FSIP2: variants seen among roughly 807,000 people sequenced by gnomAD.
The protein encoded by FSIP2 is fibrous sheath interacting protein 2.
FSIP2 carries 367 observed loss-of-function variants against 510.5 expected under a neutral mutation model. The observed-to-expected ratio is 0.72, with a 90% CI of 0.66 to 0.78. The LOEUF (loss-of-function observed/expected upper bound fraction) is 0.78. Ranked by LOEUF, FSIP2 falls within the 30% of genes least tolerant of loss-of-function variation. FSIP2 has a pLI of 0.00. For synonymous variants in FSIP2, 2,601 were observed against 2,732.2 expected (o/e 0.95, Z 1.50); for missense variants, 7,594 against 7,901.7 (o/e 0.96, Z 1.48).
intron 21 of FSIP2, among the ~76,000 whole-genome samples, chr2:185,831,089 T>G (rs1694099585): frequency 6.6e-6 from 1 of 151,952 alleles, no homozygotes; most frequent in East Asian, 1.9e-4. Context: ...GCTTTTTACC[T>G]GATATAGACA....
intron 13 of FSIP2, among the ~76,000 whole-genome samples, chr2:185,779,385 G>T (rs1692795301): frequency 6.6e-6 from 1 of 150,454 alleles, no homozygotes. Context: ...AAATTTTTAT[G>T]GATACATAAA....
intron 21 of FSIP2, among the ~76,000 whole-genome samples, chr2:185,830,756 A>T (rs1036039483): frequency 6.6e-6 from 1 of 151,760 alleles, no homozygotes; most frequent in Non-Finnish European, 1.5e-5. Flanking sequence ...ACCCACAGAG[A>T]GAGAAGGCCA....
rs1174568722 is a variant in FSIP2 at position 185,803,680 on chromosome 2, A to G, written c.14374A>G (p.Ser4792Gly). 1 of 1,531,908 alleles carries G rather than the reference A, an allele frequency of 6.5e-7. No individual in the cohort carries two copies. 94.9% of individuals were successfully genotyped at this position (1,531,908 alleles called of 1,614,324 possible). A position where few individuals can be genotyped will look rare whatever the true frequency, so the allele number is the denominator to read the frequency against. Residue 4792 changes from serine to glycine, a missense_variant, in exon 17 of 23, where the codon AGT becomes GGT. Physicochemically the swap from Ser to Gly is moderately conservative, Grantham distance 56. Transcript: ENST00000424728. ...STMYTTMLSH[S>G]HLEKIVTQLT... ...AATGTATACCACTATGTTATCACAT[A>G]GTCATTTGGAAAAAATAGTTACTCA...
intron 7 of FSIP2, among the ~76,000 whole-genome samples, chr2:185,751,067 G>A (rs1477110763): frequency 6.6e-6 from 1 of 151,378 alleles, no homozygotes; most frequent in Non-Finnish European, 1.5e-5. Flanking sequence ...CTGTTGTTGG[G>A]TGAAGTATTT....
At position 185,772,245 on chromosome 2, in the gene FSIP2, TTCTTA is replaced by T. The variant is rs1692619501; in HGVS notation, c.1411+7684_1411+7688del. Among the ~76,000 whole-genome samples, 4 of 152,306 alleles carry T rather than the reference TTCTTA, an allele frequency of 2.6e-5. No homozygotes were observed. The South Asian group carries it at 8.3e-4, about 32-fold the overall frequency. On this transcript the variant is annotated intron_variant, in intron 13 of 22. Transcript: ENST00000424728. ...CTTCAGAGCCAGAGCCCTCAAACTTTTCTTATCTCTCTCCATTACCCATTTCCAAA... is the reference window on the plus strand; with the variant it reads ...CTTCAGAGCCAGAGCCCTCAAACTTTTCTCTCTCCATTACCCATTTCCAAA...
chr2:185,807,901 A>G lies in FSIP2; in HGVS notation c.18595A>G (p.Lys6199Glu). The change falls in exon 17 of 23, where the codon AAA (lysine) becomes GAA (glutamate). Residue 6199 changes from lysine to glutamate, a missense_variant. Coordinates refer to ENST00000424728, the MANE Select transcript of FSIP2 (RefSeq NM_173651.4). ...KLLSIFPKVH[K>E]ERTKSLETDM... ...TTTATCTATATTTCCAAAAGTACAT[A>G]AAGAAAGAACAAAATCTCTAGAGAC... 4 of 1,602,794 alleles carry G rather than the reference A, an allele frequency of 2.5e-6. No homozygotes were observed. Among genetic ancestry groups the G allele is most frequent in the Non-Finnish European group, 3.4e-6 (4 of 1,176,112 alleles).
At chr2:185,745,321 G>A (rs1692005314) in intron 4 of FSIP2, 108 bp from the exon 5 acceptor site, 2 of 612,050 alleles carry the variant, frequency 3.3e-6, no homozygotes, top group East Asian at 3.3e-5. Context: ...AGATGTAAAT[G>A]CAATTAAACA....
At chr2:185,815,819 C>T (rs1388966062) in intron 19 of FSIP2, among the ~76,000 whole-genome samples, 1 of 152,022 alleles carries the variant, frequency 6.6e-6, no homozygotes, top group African/African-American at 2.4e-5. Flanking sequence ...AGTGTTCATG[C>T]TTAGCTCTCT....
At position 185,789,154 on chromosome 2, in the gene FSIP2, C is replaced by A; in HGVS notation, c.2018C>A (p.Ser673Ter). 6.5e-7 allele frequency: 1 copy of A among 1,534,868 alleles called. No individual in the cohort carries two copies. Among genetic ancestry groups the A allele is most frequent in the South Asian group, 1.2e-5 (1 of 84,006 alleles). Residue 673 changes from serine to a stop codon, truncating the protein, a stop_gained, in exon 16 of 23, where the codon TCA becomes TAA. Coordinates refer to ENST00000424728, the MANE Select transcript of FSIP2 (RefSeq NM_173651.4). LOFTEE classifies it high-confidence loss of function. ...ACTGAAACAGATAGCTTAGGGAGTT[C>A]ATTGCATTGTGATAAAACAGCAAAA... ...ATTETDSLGS[S>*]LHCDKTAKAM...
intron 14 of FSIP2, among the ~76,000 whole-genome samples, chr2:185,785,965 G>C (rs969476910): frequency 2.0e-5 from 3 of 151,854 alleles, no homozygotes; most frequent in African/African-American, 7.3e-5. Context: ...ACACAATGTA[G>C]GCATGGCTAA....
At position 185,796,808 on chromosome 2, in the gene FSIP2, G is replaced by A. The variant is rs1019709081; in HGVS notation, c.9672G>A (p.Thr3224=). Residue 3224 remains threonine (T), a synonymous_variant, in exon 16 of 23, where the codon ACG becomes ACA. Transcript: ENST00000424728. ...VEDTVKNSEP[T]KRPDSETMPS... ...ACACAGTTAAAAACTCAGAGCCAAC[G>A]AAAAGGCCTGATTCAGAAACTATGC... 1.8e-5 allele frequency: 28 copies of A among 1,535,094 alleles called. No homozygotes were observed. The East Asian group carries it at 3.9e-4, about 21-fold the overall frequency.
In FSIP2 at chr2:185,801,906, T is replaced by C. The variant is rs1175017198; in HGVS notation, c.12600T>C (p.Asp4200=). The C allele has an allele frequency of 1.3e-6, 2 of 1,494,130 alleles. No homozygotes were observed. The highest frequency in any genetic ancestry group is 2.1e-5 in the Admixed American group (1 of 47,750). 92.6% of individuals were successfully genotyped at this position (1,494,130 alleles called of 1,614,324 possible). A position where few individuals can be genotyped will look rare whatever the true frequency, so the allele number is the denominator to read the frequency against. ...ATAAAATCTGGTTCACTATATATGA[T>C]AATCAATATCTATATACTGGAAAAA... The part of the protein sequence containing the change: ...SKHKIWFTIY[D]NQYLYTGKNL... Residue 4200 remains aspartate (D), a synonymous_variant, in exon 17 of 23, where the codon GAT becomes GAC. Coordinates refer to ENST00000424728, the MANE Select transcript of FSIP2 (RefSeq NM_173651.4).
upstream of FSIP2, chr2:185,738,678 C>T: frequency 1.3e-6 from 2 of 1,536,076 alleles, no homozygotes; most frequent in East Asian, 2.4e-5. Flanking sequence ...GACCGATTTT[C>T]CCAGCTCTGC....
At chr2:185,741,658 G>C (rs1034021271) in intron 2 of FSIP2, among the ~76,000 whole-genome samples, 1 of 152,106 alleles carries the variant, frequency 6.6e-6, no homozygotes, top group Non-Finnish European at 1.5e-5. Context: ...TCCCCTTTAC[G>C]AGTTCTTTCT....
rs186317517 is a variant in FSIP2 at position 185,746,189 on chromosome 2, T to G, written c.618-480T>G. Among the ~76,000 whole-genome samples, 88 of 152,248 alleles carry G rather than the reference T, an allele frequency of 5.8e-4. 2 individuals carry two copies. Among genetic ancestry groups the G allele is most frequent in the Non-Finnish European group, 4.1e-4 (28 of 67,990 alleles). Reference sequence around the variant, plus strand: ...GTATTATTGCCATAATACATATTGATGTACCAGAGATCCAGACTACAGATG... The same window carrying G: ...GTATTATTGCCATAATACATATTGAGGTACCAGAGATCCAGACTACAGATG... On this transcript the variant is annotated intron_variant, in intron 5 of 22. Transcript: ENST00000424728.
In FSIP2 at chr2:185,788,821, G is replaced by T; in HGVS notation, c.1685G>T (p.Cys562Phe). The change falls in exon 16 of 23, where the codon TGC becomes TTC. Residue 562 changes from cysteine to phenylalanine, a missense_variant. Cys to Phe is a radical substitution (Grantham distance 205, BLOSUM62 -2). Transcript: ENST00000424728. Reference protein sequence around the residue: ...SSDSSSFCSTCSEDFTYRSYT... With the variant: ...SSDSSSFCSTFSEDFTYRSYT... ...GATAGTTCAAGTTTCTGTAGCACGT[G>T]CAGTGAAGACTTTACATATAGAAGC... is the stretch of plus-strand genomic sequence containing the variant. 6.5e-7 allele frequency: 1 copy of T among 1,534,508 alleles called. No individual in the cohort carries two copies. The highest frequency in any genetic ancestry group is 8.7e-7 in the Non-Finnish European group (1 of 1,145,736).
Position 185,807,385 on chromosome 2 carries a change from A to G in FSIP2, c.18079A>G (p.Thr6027Ala). 1 of 1,609,500 alleles carries G rather than the reference A, an allele frequency of 6.2e-7. No homozygotes were observed. The highest frequency in any genetic ancestry group is 8.5e-7 in the Non-Finnish European group (1 of 1,178,634). ...ISALFSKIFS[T>A]ISSTKTKEPE... ...TGCTCTTTTCTCCAAAATTTTCTCA[A>G]CAATATCCAGCACAAAAACAAAAGA... The change falls in exon 17 of 23, where the codon ACA (threonine) becomes GCA (alanine). Residue 6027 changes from threonine to alanine, a missense_variant. Physicochemically the swap from Thr to Ala is moderately conservative, Grantham distance 58. Transcript: ENST00000424728.
At chr2:185,824,241 T>C (rs1379820269) in intron 19 of FSIP2, among the ~76,000 whole-genome samples, 193 bp from the exon 20 acceptor site, 1 of 151,888 alleles carries the variant, frequency 6.6e-6, no homozygotes, top group African/African-American at 2.4e-5. Flanking sequence ...AAATTTAATG[T>C]ATGTATAACC....
At chr2:185,788,528 A>G (rs767823361) in intron 15 of FSIP2, 115 bp from the exon 16 acceptor site, 1 of 637,588 alleles carries the variant, frequency 1.6e-6, no homozygotes, top group Non-Finnish European at 2.5e-6. Flanking sequence ...TTCATAAACC[A>G]TAATGGTATT....
Sources: gnomAD v4.1 joint callset for allele counts (sites outside exome capture counted in the v4.1 genomes callset) on GRCh38, gnomAD v4.1.1 for gene constraint, MANE v1.5 for transcripts, NCBI Gene and HGNC (gene_info 2026-07-23, HGNC 2026-07-21) for gene names.